CTNNA3: variants seen among roughly 807,000 people sequenced by gnomAD.
CTNNA3 encodes the protein catenin alpha-3.
CTNNA3 carries 76 observed loss-of-function variants against 95.7 expected under a neutral mutation model. The observed-to-expected ratio is 0.79, with a 90% CI of 0.66 to 0.96. The LOEUF is 0.96. Among genes scored for constraint, CTNNA3 ranks in the 40% least tolerant of loss-of-function variants. The pLI, the probability that CTNNA3 is intolerant of heterozygous loss-of-function variation, is 0.00. For synonymous variants in CTNNA3, 431 were observed against 374.4 expected (o/e 1.15, Z -1.74); for missense variants, 1,191 against 1,089.8 (o/e 1.09, Z -1.31).
chr10:66,848,031 A>T (rs559920129), intron 7 of CTNNA3, among the ~76,000 whole-genome samples: 1 of 152,262 alleles, frequency 6.6e-6, no homozygotes, highest in South Asian at 2.1e-4. Context: ...GATGTGTAGG[A>T]TGAACATGCT....
intron 5 of CTNNA3, among the ~76,000 whole-genome samples, chr10:67,298,412 T>C (rs1840131049): frequency 6.6e-6 from 1 of 152,248 alleles, no homozygotes; most frequent in Non-Finnish European, 1.5e-5. Context: ...CCTGCTTTAG[T>C]GTCACTCTAA....
At chr10:66,527,530 A>G (rs1841311218) in intron 10 of CTNNA3, among the ~76,000 whole-genome samples, 2 of 152,142 alleles carry the variant, frequency 1.3e-5, no homozygotes, top group African/African-American at 2.4e-5. Flanking sequence ...ATTAAATTTT[A>G]TAATCCATGA....
intron 4 of CTNNA3, among the ~76,000 whole-genome samples, chr10:67,535,072 C>A (rs1840449510): frequency 6.6e-6 from 1 of 152,122 alleles, no homozygotes; most frequent in Non-Finnish European, 1.5e-5. Flanking sequence ...TCATGCCAAA[C>A]TAACTTCATT....
chr10:66,382,848 A>G (rs2092853083), intron 11 of CTNNA3, among the ~76,000 whole-genome samples: 1 of 152,142 alleles, frequency 6.6e-6, no homozygotes, highest in Non-Finnish European at 1.5e-5. Context: ...CAGCTGAGGG[A>G]CCTGATAGAA....
At chr10:67,633,697 C>G (rs1004970510) in intron 2 of CTNNA3, among the ~76,000 whole-genome samples, 1 of 151,938 alleles carries the variant, frequency 6.6e-6, no homozygotes, top group African/African-American at 2.4e-5. Context: ...ACAACACCAA[C>G]AAAAAAGACC....
intron 13 of CTNNA3, among the ~76,000 whole-genome samples, chr10:66,270,327 C>T (rs778591308): frequency 3.3e-5 from 5 of 151,960 alleles, no homozygotes; most frequent in African/African-American, 4.8e-5. Flanking sequence ...GCCTCAGCCC[C>T]ACAAGTAGAT....
At chr10:66,632,555 C>CAAAAAAAAAAAAAAAAAAAAAAATAA in intron 9 of CTNNA3, among the ~76,000 whole-genome samples, 1 of 100,954 alleles carries the variant, frequency 9.9e-6, no homozygotes, top group Non-Finnish European at 2.0e-5. Flanking sequence ...AACTCCATCT[C>CAAAAAAAAAAAAAAAAAAAAAAATAA]AAAAAAAAAA....
chr10:66,653,080 C>T (rs1385059517), intron 9 of CTNNA3, among the ~76,000 whole-genome samples: 4 of 152,086 alleles, frequency 2.6e-5, no homozygotes, highest in Non-Finnish European at 4.4e-5. Context: ...CCGTTCTTTT[C>T]GGTTCTGTCT....
At chr10:66,204,726 T>C (rs2087652402) in intron 13 of CTNNA3, among the ~76,000 whole-genome samples, 1 of 152,148 alleles carries the variant, frequency 6.6e-6, no homozygotes, top group Non-Finnish European at 1.5e-5. Flanking sequence ...AGAATGGAAT[T>C]TATCAGTTTA....
intron 5 of CTNNA3, among the ~76,000 whole-genome samples, chr10:67,359,433 G>A (rs994655238): frequency 6.6e-6 from 1 of 152,052 alleles, no homozygotes; most frequent in African/African-American, 2.4e-5. Context: ...ATCTGGATGG[G>A]TAGGAAGCTC....
chr10:67,160,316 C>G (rs796239220), intron 7 of CTNNA3, among the ~76,000 whole-genome samples: 2 of 152,052 alleles, frequency 1.3e-5, no homozygotes, highest in African/African-American at 4.8e-5. Flanking sequence ...ATGGCATTTC[C>G]TCAAAAAAAT....
intron 7 of CTNNA3, among the ~76,000 whole-genome samples, chr10:66,806,985 A>G (rs1841678229): frequency 6.6e-6 from 1 of 152,086 alleles, no homozygotes; most frequent in Admixed American, 6.6e-5. Context: ...TGCAAAACAC[A>G]GAGAATAGGA....
chr10:66,685,238 T>C (rs1267259460), intron 9 of CTNNA3, among the ~76,000 whole-genome samples: 1 of 142,032 alleles, frequency 7.0e-6, no homozygotes, highest in Non-Finnish European at 1.5e-5. Flanking sequence ...TACGTATATA[T>C]GTGTGTATAT....
intron 10 of CTNNA3, among the ~76,000 whole-genome samples, chr10:66,531,531 C>T (rs999493382): frequency 2.0e-5 from 3 of 151,998 alleles, no homozygotes. Flanking sequence ...CCATGCCCAA[C>T]TAATTTACAA....
intron 1 of CTNNA3, among the ~76,000 whole-genome samples, chr10:67,726,335 TATATATA>T (rs1444103375): frequency 1.2e-5 from 1 of 86,456 alleles, no homozygotes; most frequent in African/African-American, 5.5e-5. Flanking sequence ...TCTTACATAT[TATATATA>T]ATATATGATA....
chr10:66,095,032 T>C (rs922070165), intron 14 of CTNNA3, among the ~76,000 whole-genome samples: 1 of 152,126 alleles, frequency 6.6e-6, no homozygotes, highest in African/African-American at 2.4e-5. Flanking sequence ...CATTTAGGTT[T>C]GGAAACAGTG....
At chr10:66,455,850 C>T (rs1484032445) in intron 11 of CTNNA3, among the ~76,000 whole-genome samples, 1 of 152,142 alleles carries the variant, frequency 6.6e-6, no homozygotes, top group East Asian at 1.9e-4. Flanking sequence ...AATTTTGGGG[C>T]TCACCTGCCC....
intron 10 of CTNNA3, among the ~76,000 whole-genome samples, chr10:66,580,653 T>C (rs540367399): frequency 5.3e-5 from 8 of 151,910 alleles, no homozygotes; most frequent in African/African-American, 1.7e-4. Flanking sequence ...TTGGTTATTA[T>C]GTTAAAAGAC....
chr10:67,482,164 G>C (rs1848259381), intron 5 of CTNNA3, among the ~76,000 whole-genome samples: 1 of 150,374 alleles, frequency 6.7e-6, no homozygotes, highest in Admixed American at 6.6e-5. Context: ...TTGTAGTATA[G>C]TTTGAAGTCA....
Sources: allele counts gnomAD v4.1 joint callset (sites outside exome capture counted in the v4.1 genomes callset), GRCh38; gene constraint gnomAD v4.1.1; transcripts MANE v1.5; gene names NCBI Gene and HGNC (gene_info 2026-07-23, HGNC 2026-07-21).